COL4A4: variants seen among roughly 807,000 people sequenced by gnomAD.
COL4A4 encodes collagen alpha-4(IV) chain.
Under a neutral mutation model 192.9 loss-of-function variants are expected in COL4A4, and 105 were observed. That is an observed-to-expected ratio of 0.54 (90% confidence interval 0.46 to 0.64). The LOEUF (loss-of-function observed/expected upper bound fraction) is 0.64. Ranked by LOEUF, COL4A4 falls within the 30% of genes least tolerant of loss-of-function variation. The pLI is 0.00. For synonymous variants in COL4A4, 762 were observed against 769.9 expected (o/e 0.99, Z 0.17); for missense variants, 1,967 against 2,169.3 (o/e 0.91, Z 1.85).
chr2:227,138,532 C>T (rs138287330), intron 4 of COL4A4, among the ~76,000 whole-genome samples: 1 of 150,796 alleles, frequency 6.6e-6, no homozygotes, highest in Non-Finnish European at 1.5e-5. Flanking sequence ...ACTGAGGAGG[C>T]TGAGGCAGGA....
chr2:227,007,556 C>T lies in COL4A4; in HGVS notation c.4842G>A (p.Gln1614=), dbSNP rs1041956519. 1.4e-5 allele frequency: 23 copies of T among 1,612,798 alleles called. No homozygotes were observed. Among genetic ancestry groups the T allele is most frequent in the Admixed American group, 1.2e-4 (7 of 60,014 alleles). ...HTGAGDQGGG[Q]ALMSPGSCLE... is the part of the protein sequence containing the mutation. Reference sequence around the variant, plus strand: ...GGCAGCTGCCAGGTGACATAAGGGCCTGCCCTCCTCCTTGGTCCCCAGCTC... The same window carrying T: ...GGCAGCTGCCAGGTGACATAAGGGCTTGCCCTCCTCCTTGGTCCCCAGCTC... The change falls in exon 48 of 48, where the codon CAG becomes CAA. Residue 1614 remains glutamine (Q), a synonymous_variant. Coordinates refer to ENST00000396625, the MANE Select transcript of COL4A4 (RefSeq NM_000092.5).
chr2:227,110,320 T>C (rs1467056107), intron 9 of COL4A4, among the ~76,000 whole-genome samples: 1 of 152,194 alleles, frequency 6.6e-6, no homozygotes, highest in Non-Finnish European at 1.5e-5. Context: ...TGAGCTTCAA[T>C]CGTAGTAAGG....
intron 1 of COL4A4, among the ~76,000 whole-genome samples, chr2:227,150,588 A>G (rs1255244279): frequency 2.0e-5 from 3 of 152,176 alleles, no homozygotes; most frequent in African/African-American, 7.2e-5. Context: ...GAGACTGGGT[A>G]ATTTATAAAG....
the COL4A4 span, chr2:226,988,613 TC>T: frequency 1.5e-6 from 2 of 1,354,686 alleles, no homozygotes; most frequent in Non-Finnish European, 1.9e-6. Flanking sequence ...CAGCTGCCCC[TC>T]CGAGCAGACA....
the COL4A4 span, among the ~76,000 whole-genome samples, chr2:226,976,476 C>T: frequency 1.3e-5 from 2 of 152,018 alleles, no homozygotes; most frequent in African/African-American, 4.8e-5. Context: ...CGCCTCCTTA[C>T]CTGGAAACCC....
chr2:226,975,351 C>A, the COL4A4 span, among the ~76,000 whole-genome samples: 1 of 152,070 alleles, frequency 6.6e-6, no homozygotes, highest in Non-Finnish European at 1.5e-5. Context: ...TAAACTTATA[C>A]AATTTTATTT....
Position 227,008,191 on chromosome 2 carries a change from C to A in COL4A4, c.4636G>T (p.Ala1546Ser). Reference sequence around the variant, plus strand: ...AGTGGCATCATGGGGAGGGGCGCAGCGCTGGCCAGCCAGTAGGATCTGTCG... The same window carrying A: ...AGTGGCATCATGGGGAGGGGCGCAGAGCTGGCCAGCCAGTAGGATCTGTCG... ...RNDRSYWLAS[A>S]APLPMMPLSE... The change falls in exon 47 of 48, where the codon GCT (alanine) becomes TCT (serine). Residue 1546 changes from alanine (A) to serine (S), a missense_variant. Physicochemically the swap from Ala to Ser is moderately conservative, Grantham distance 99. Transcript: ENST00000396625. 6.2e-7 allele frequency: 1 copy of A among 1,614,164 alleles called. No homozygotes were observed. The highest frequency in any genetic ancestry group is 1.1e-5 in the South Asian group (1 of 91,074).
the COL4A4 span, among the ~76,000 whole-genome samples, chr2:226,972,446 A>G: frequency 3.9e-5 from 6 of 152,184 alleles, no homozygotes; most frequent in African/African-American, 2.4e-5. Flanking sequence ...CAGCCCTGCT[A>G]TGCCCCCTGG....
Position 227,025,709 on chromosome 2 carries a change from G to A in COL4A4, c.4090+93C>T, listed in dbSNP as rs916506173. The A allele has an allele frequency of 2.7e-5, 31 of 1,157,908 alleles. No homozygotes were observed. The African/African-American group carries it at 4.0e-4, about 15-fold the overall frequency. 71.7% of individuals were successfully genotyped at this position (1,157,908 alleles called of 1,614,324 possible). A position where few individuals can be genotyped will look rare whatever the true frequency, so the allele number is the denominator to read the frequency against. ...ACCCCATCTATAAAAATGTAACAAA[G>A]TTTAGCTCACACATACAGAGGAAAA... On this transcript the variant is annotated intron_variant, in intron 43 of 47. Coordinates refer to ENST00000396625, the MANE Select transcript of COL4A4 (RefSeq NM_000092.5).
chr2:227,110,418 C>T (rs1400911018), intron 9 of COL4A4, among the ~76,000 whole-genome samples: 1 of 152,194 alleles, frequency 6.6e-6, no homozygotes, highest in African/African-American at 2.4e-5. Flanking sequence ...AATGGAGTCT[C>T]TGTCGCCCAG....
the COL4A4 span, among the ~76,000 whole-genome samples, chr2:226,983,988 G>A: frequency 5.9e-5 from 9 of 152,344 alleles, no homozygotes; most frequent in East Asian, 9.6e-4. Flanking sequence ...GTCCCTGCTC[G>A]TATAGGAGGG....
At chr2:227,094,066 G>T in intron 20 of COL4A4, 59 bp downstream of exon 20, 3 of 1,429,620 alleles carry the variant, frequency 2.1e-6, no homozygotes, top group Non-Finnish European at 2.9e-6. Flanking sequence ...TTTCTTAGTG[G>T]CACTGCAAAT....
chr2:226,985,377 T>C, the COL4A4 span, among the ~76,000 whole-genome samples: 1 of 152,122 alleles, frequency 6.6e-6, no homozygotes, highest in Non-Finnish European at 1.5e-5. Flanking sequence ...AATAAACAAC[T>C]CCATAATATT....
intron 1 of COL4A4, among the ~76,000 whole-genome samples, chr2:227,160,714 T>C (rs1170810521): frequency 6.6e-6 from 1 of 152,174 alleles, no homozygotes; most frequent in East Asian, 1.9e-4. Flanking sequence ...ACTCTGATAA[T>C]TACATAGAAG....
At chr2:227,045,833 CACACATATATATATACACAT>C (rs1972463704) in intron 35 of COL4A4, among the ~76,000 whole-genome samples, 1 of 33,612 alleles carries the variant, frequency 3.0e-5, no homozygotes, top group African/African-American at 1.7e-4. Context: ...TATATATATA[CACACATATATATATACACAT>C]ATATATATAC....
intron 25 of COL4A4, among the ~76,000 whole-genome samples, chr2:227,071,717 AT>A (rs1452524866): frequency 6.6e-6 from 1 of 152,174 alleles, no homozygotes; most frequent in East Asian, 1.9e-4. Context: ...CCACAGTGGA[AT>A]AAAATTAGAA....
Position 227,003,152 on chromosome 2 carries a change from T to A in COL4A4, c.*4173A>T, listed in dbSNP as rs529259159. On this transcript the variant is annotated 3_prime_UTR_variant, in exon 48 of 48. Coordinates refer to ENST00000396625, the MANE Select transcript of COL4A4 (RefSeq NM_000092.5). ...AAATGAAACAGCATTCCCAATGACA[T>A]TAAGAATTGGCCACATATAAATAAT... 8.0e-4 allele frequency: 122 copies of A among 152,308 alleles called. No homozygotes were observed. The highest frequency in any genetic ancestry group is 2.8e-3 in the African/African-American group (118 of 41,548). The allele number at this position is 152,308 out of a possible 1,614,324, so 9.4% of individuals were successfully genotyped here.
In COL4A4 at chr2:227,129,652, G is replaced by GC. The variant is rs749467742; in HGVS notation, c.193-8505dup. On this transcript the variant is annotated intron_variant, in intron 4 of 47. Transcript: ENST00000396625. ...TCGAACTCCCGACCTCAAGTGATCC[G>GC]CCCCCCTCGGCCTCCCAAAGTGCCA... Among the ~76,000 whole-genome samples the GC allele has an allele frequency of 2.0e-5, 3 of 151,946 alleles. No homozygotes were observed. The South Asian group carries it at 6.2e-4, about 31-fold the overall frequency.
intron 4 of COL4A4, 137 bp downstream of exon 4, chr2:227,140,023 TG>T: frequency 1.4e-6 from 1 of 739,996 alleles, no homozygotes; most frequent in Middle Eastern, 2.3e-4. Flanking sequence ...TATTAGAATG[TG>T]AAAAACTTCG....
Sources: gnomAD v4.1 joint callset for allele counts (sites outside exome capture counted in the v4.1 genomes callset) on GRCh38, gnomAD v4.1.1 for gene constraint, MANE v1.5 for transcripts, NCBI Gene and HGNC (gene_info 2026-07-23, HGNC 2026-07-21) for gene names.